Variants in LHFPL6 observed in about 807,000 individuals in gnomAD.
LHFPL6 encodes the protein LHFPL tetraspan subfamily member 6.
A neutral mutation model predicts 20.6 loss-of-function variants in LHFPL6; 9 were observed. The ratio of observed to expected loss-of-function variants is 0.44; its 90% CI spans 0.26 to 0.76. The LOEUF is 0.76. Among genes scored for constraint, LHFPL6 ranks in the 30% least tolerant of loss-of-function variants. The pLI, the probability that LHFPL6 is intolerant of heterozygous loss-of-function variation, is 0.20. For synonymous variants in LHFPL6, 105 were observed against 98.7 expected (o/e 1.06, Z -0.38); for missense variants, 218 against 253.5 (o/e 0.86, Z 0.95).
At chr13:39,419,461 A>G (rs1327844474) in intron 2 of LHFPL6, among the ~76,000 whole-genome samples, 1 of 152,250 alleles carries the variant, frequency 6.6e-6, no homozygotes, top group Non-Finnish European at 1.5e-5. Context: ...TCTTCTCTGG[A>G]TAAGTAAGGA....
chr13:39,577,246 C>T lies in LHFPL6; in HGVS notation c.385+23586G>A, dbSNP rs189594024. On this transcript the variant is annotated intron_variant, in intron 2 of 3. Coordinates refer to ENST00000379589, the MANE Select transcript of LHFPL6 (RefSeq NM_005780.3). Reference sequence around the variant, plus strand: ...AACAAATATACCTGATTTTGCTGCTCCTCCTGGTCTTCCAGAGCACCCCCG... The same window carrying T: ...AACAAATATACCTGATTTTGCTGCTTCTCCTGGTCTTCCAGAGCACCCCCG... 1.4e-3 allele frequency among the ~76,000 whole-genome samples: 216 copies of T among 152,248 alleles called. 1 individual carries two copies. The East Asian group carries it at 0.019, about 14-fold the overall frequency.
chr13:39,582,144 A>G (rs1872306989), intron 2 of LHFPL6, among the ~76,000 whole-genome samples: 1 of 152,144 alleles, frequency 6.6e-6, no homozygotes, highest in South Asian at 2.1e-4. Flanking sequence ...CTGTAGACAC[A>G]TCAGTCTCCA....
At chr13:39,461,833 TTTC>T (rs141206648) in intron 2 of LHFPL6, among the ~76,000 whole-genome samples, 83,631 of 151,636 alleles carry the variant, frequency 0.55, 24,224 homozygotes, top group East Asian at 0.9. Context: ...CCCATTGGAA[TTTC>T]TTCTTCTCTA....
intron 2 of LHFPL6, among the ~76,000 whole-genome samples, chr13:39,418,382 CTTTTTTT>C (rs71077297): frequency 0.52 from 67,393 of 129,932 alleles, 18,193 homozygotes; most frequent in Non-Finnish European, 0.61. Flanking sequence ...TTTTTTTGGT[CTTTTTTT>C]TTTTTTTTTT....
At position 39,601,687 on chromosome 13, in the gene LHFPL6, A is replaced by G. The variant is rs144952459; in HGVS notation, c.-174-297T>C. On this transcript the variant is annotated intron_variant, in intron 1 of 3. Transcript: ENST00000379589. ...AATGAATTCATTCTATATATTATAT[A>G]CTCACATTAAAAGTAATGTAGCACT... Among the ~76,000 whole-genome samples the G allele has an allele frequency of 1.5e-3, 229 of 152,336 alleles. 2 individuals carry two copies. Among genetic ancestry groups the G allele is most frequent in the African/African-American group, 5.3e-3 (222 of 41,578 alleles).
chr13:39,468,883 G>GA (rs5802990), intron 2 of LHFPL6, among the ~76,000 whole-genome samples: 2 of 148,356 alleles, frequency 1.3e-5, no homozygotes, highest in African/African-American at 4.9e-5. Context: ...CCAAATGTAA[G>GA]AAAAAAAAAA....
At chr13:39,578,708 G>A (rs1489781747) in intron 2 of LHFPL6, among the ~76,000 whole-genome samples, 2 of 152,156 alleles carry the variant, frequency 1.3e-5, no homozygotes, top group Non-Finnish European at 2.9e-5. Flanking sequence ...ACAGGTACAG[G>A]TTATGCTAAG....
intron 2 of LHFPL6, among the ~76,000 whole-genome samples, chr13:39,589,406 G>A (rs918435668): frequency 2.6e-5 from 4 of 152,062 alleles, no homozygotes; most frequent in African/African-American, 9.7e-5. Flanking sequence ...ACCGCACCCA[G>A]CCCAGATAAA....
chr13:39,413,793 C>T (rs1403507726), intron 2 of LHFPL6, among the ~76,000 whole-genome samples: 16 of 152,088 alleles, frequency 1.1e-4, no homozygotes, highest in Admixed American at 9.8e-4. Flanking sequence ...AAGAATCAAC[C>T]AGCACCCCAG....
chr13:39,386,949 A>G (rs948054300), intron 2 of LHFPL6, among the ~76,000 whole-genome samples: 1 of 152,214 alleles, frequency 6.6e-6, no homozygotes, highest in African/African-American at 2.4e-5. Flanking sequence ...CTTAAGGTCT[A>G]CGAAGCCTCA....
intron 2 of LHFPL6, among the ~76,000 whole-genome samples, chr13:39,420,259 C>T (rs1050079702): frequency 3.9e-5 from 6 of 152,206 alleles, no homozygotes; most frequent in Non-Finnish European, 5.9e-5. Context: ...TTACAGAGTA[C>T]GCCTTTGCCC....
intron 2 of LHFPL6, among the ~76,000 whole-genome samples, chr13:39,511,466 TAAAA>T (rs67885553): frequency 7.1e-6 from 1 of 140,830 alleles, no homozygotes; most frequent in African/African-American, 2.5e-5. Context: ...TTTAAATTCT[TAAAA>T]AAAAAAAAAA....
rs114071930 is a variant in LHFPL6, at chr13:39,516,957, T to C, written c.385+83875A>G. On this transcript the variant is annotated intron_variant, in intron 2 of 3. Coordinates refer to ENST00000379589, the MANE Select transcript of LHFPL6 (RefSeq NM_005780.3). ...TATTAATTTAATGCACGCCACATGA[T>C]GGTGATTAAATCTTCCACGTTGGAA... 3.0e-3 allele frequency among the ~76,000 whole-genome samples: 459 copies of C among 152,346 alleles called. 2 individuals carry two copies. Among genetic ancestry groups the C allele is most frequent in the African/African-American group, 9.5e-3 (393 of 41,576 alleles).
intron 2 of LHFPL6, among the ~76,000 whole-genome samples, chr13:39,447,704 C>G (rs9576804): frequency 0.52 from 79,104 of 151,988 alleles, 22,119 homozygotes; most frequent in East Asian, 0.98. Flanking sequence ...GGTCACTCAA[C>G]GGTTGAGTTC....
chr13:39,534,852 C>T (rs1215216688), intron 2 of LHFPL6, among the ~76,000 whole-genome samples: 1 of 152,166 alleles, frequency 6.6e-6, no homozygotes, highest in African/African-American at 2.4e-5. Context: ...AACCATCACC[C>T]TCTCACTACC....
chr13:39,419,530 GA>G (rs1871428295), intron 2 of LHFPL6, among the ~76,000 whole-genome samples: 2 of 152,308 alleles, frequency 1.3e-5, no homozygotes, highest in African/African-American at 4.8e-5. Flanking sequence ...TGTGAAATAA[GA>G]GTTGAATTAG....
intron 2 of LHFPL6, among the ~76,000 whole-genome samples, chr13:39,535,914 C>A (rs1442513897): frequency 6.6e-6 from 1 of 152,118 alleles, no homozygotes; most frequent in African/African-American, 2.4e-5. Context: ...AAATAAATAA[C>A]TCAAGCAAGG....
chr13:39,553,879 G>A lies in LHFPL6; in HGVS notation c.385+46953C>T, dbSNP rs138020754. Among the ~76,000 whole-genome samples, 494 of 152,256 alleles carry A rather than the reference G, an allele frequency of 3.2e-3. 1 individual carries two copies. Among genetic ancestry groups the A allele is most frequent in the Non-Finnish European group, 4.3e-3 (293 of 68,020 alleles). Reference sequence around the variant, plus strand: ...CCAGCCACCTGCCAATTTCCCTGCCGATGGCAGACAATCAGTGAAAAAAAG... The same window carrying A: ...CCAGCCACCTGCCAATTTCCCTGCCAATGGCAGACAATCAGTGAAAAAAAG... On this transcript the variant is annotated intron_variant, in intron 2 of 3. Coordinates refer to ENST00000379589, the MANE Select transcript of LHFPL6 (RefSeq NM_005780.3).
At chr13:39,366,255 T>A (rs1351895847) in intron 3 of LHFPL6, among the ~76,000 whole-genome samples, 2 of 152,262 alleles carry the variant, frequency 1.3e-5, no homozygotes, top group Non-Finnish European at 2.9e-5. Flanking sequence ...TAACTACTTA[T>A]GTGGATTCTA....
Sources: allele counts gnomAD v4.1 joint callset (sites outside exome capture counted in the v4.1 genomes callset), GRCh38; gene constraint gnomAD v4.1.1; transcripts MANE v1.5; gene names NCBI Gene and HGNC (gene_info 2026-07-23, HGNC 2026-07-21).